The following PPP1R9A variants were observed in gnomAD, a reference collection of about 807,000 sequenced individuals.
PPP1R9A encodes neurabin-1.
PPP1R9A carries 59 observed loss-of-function variants against 141.9 expected under a neutral mutation model. The observed-to-expected ratio is 0.42, with a 90% CI of 0.34 to 0.52. The LOEUF is 0.52. Ranked by LOEUF, PPP1R9A falls within the 20% of genes least tolerant of loss-of-function variation. PPP1R9A has a pLI of 0.10. For synonymous variants in PPP1R9A, 500 were observed against 569.7 expected, an observed-to-expected ratio of 0.88 and a Z score of 1.74; for missense variants, 1,444 against 1,611.9, an observed-to-expected ratio of 0.90 and a Z score of 1.78.
intron 2 of PPP1R9A, among the ~76,000 whole-genome samples, chr7:95,011,577 TCA>T (rs1476732812): frequency 6.6e-6 from 1 of 152,188 alleles, no homozygotes; most frequent in Non-Finnish European, 1.5e-5. Context: ...AATTTATTAA[TCA>T]CACATTTACT....
At chr7:95,188,350 C>A (rs956139618) in intron 5 of PPP1R9A, among the ~76,000 whole-genome samples, 4 of 151,904 alleles carry the variant, frequency 2.6e-5, no homozygotes, top group Admixed American at 6.6e-5. Flanking sequence ...TTTTCCACCC[C>A]TTTACCTTAA....
intron 7 of PPP1R9A, among the ~76,000 whole-genome samples, chr7:95,211,095 A>G (rs534301768): frequency 5.9e-5 from 9 of 151,892 alleles, no homozygotes; most frequent in Non-Finnish European, 1.3e-4. Flanking sequence ...ATGCATACCT[A>G]TGTAACAAAC....
intron 4 of PPP1R9A, among the ~76,000 whole-genome samples, chr7:95,130,166 A>C (rs1029736238): frequency 1.3e-5 from 2 of 152,044 alleles, no homozygotes; most frequent in African/African-American, 2.4e-5. Context: ...TAGAAGGAAA[A>C]GTGGTTTCAT....
intron 2 of PPP1R9A, among the ~76,000 whole-genome samples, chr7:94,961,648 A>G (rs555371112): frequency 5.9e-5 from 9 of 151,910 alleles, no homozygotes; most frequent in Non-Finnish European, 1.3e-4. Flanking sequence ...AACTATTTAT[A>G]TGAATTGTAG....
chr7:95,050,803 T>A (rs1810685611), intron 2 of PPP1R9A, among the ~76,000 whole-genome samples: 1 of 152,146 alleles, frequency 6.6e-6, no homozygotes, highest in East Asian at 1.9e-4. Context: ...ATTTAAGGCA[T>A]TTTAATTTTA....
chr7:95,160,377 T>G (rs1426856047), intron 4 of PPP1R9A, among the ~76,000 whole-genome samples: 1 of 152,166 alleles, frequency 6.6e-6, no homozygotes, highest in Non-Finnish European at 1.5e-5. Flanking sequence ...GTACAGTTAT[T>G]AAGGACAAAA....
chr7:94,961,865 G>A (rs1797680172), intron 2 of PPP1R9A, among the ~76,000 whole-genome samples: 2 of 151,670 alleles, frequency 1.3e-5, no homozygotes, highest in South Asian at 4.1e-4. Flanking sequence ...TATGTCAGAG[G>A]GTGGTCATTT....
intron 2 of PPP1R9A, among the ~76,000 whole-genome samples, chr7:94,962,789 CT>C (rs1797778464): frequency 6.6e-6 from 1 of 152,074 alleles, no homozygotes; most frequent in Non-Finnish European, 1.5e-5. Context: ...GTGTCATTGA[CT>C]TGAGCATGAA....
At chr7:94,952,826 T>C (rs1436377520) in intron 2 of PPP1R9A, among the ~76,000 whole-genome samples, 1 of 152,194 alleles carries the variant, frequency 6.6e-6, no homozygotes, top group Non-Finnish European at 1.5e-5. Flanking sequence ...CTTGTAAATT[T>C]GTTTAAATTC....
rs756446262 is a variant in PPP1R9A, at chr7:95,251,785, A to G, written c.2420A>G (p.Gln807Arg). ...AGAGAGCTTGATTTCATCAAAAGAC[A>G]GGAAGCAGAAAGAAAGAAAATAGAA... is the stretch of plus-strand genomic sequence containing the variant. ...QQKELDFIKRQEAERKKIEDL... is the reference protein window; with the variant it reads ...QQKELDFIKRREAERKKIEDL... The change falls in exon 11 of 20, where the codon CAG (glutamine) becomes CGG (arginine). Residue 807 changes from glutamine (Q) to arginine (R), a missense_variant. This residue lies in a region of PPP1R9A where 488 missense variants were observed against 542.0 expected (regional missense o/e 0.90). Transcript: ENST00000433360. 1 of 1,613,762 alleles carries G rather than the reference A, an allele frequency of 6.2e-7. No individual in the cohort carries two copies. The highest frequency in any genetic ancestry group is 8.5e-7 in the Non-Finnish European group (1 of 1,179,792).
chr7:95,199,296 A>G, intron 6 of PPP1R9A, among the ~76,000 whole-genome samples: 1 of 152,212 alleles, frequency 6.6e-6, no homozygotes, highest in East Asian at 1.9e-4. Flanking sequence ...TCCATCAACA[A>G]TTTAATTGTA....
chr7:95,109,840 G>GC (rs1181196924), intron 2 of PPP1R9A, among the ~76,000 whole-genome samples: 5 of 140,452 alleles, frequency 3.6e-5, no homozygotes, highest in Non-Finnish European at 7.8e-5. Flanking sequence ...CTATCTCAAT[G>GC]AAAAAAAAAA....
chr7:94,929,162 AGAG>A (rs1317453097), intron 2 of PPP1R9A, among the ~76,000 whole-genome samples: 1 of 152,222 alleles, frequency 6.6e-6, no homozygotes, highest in Admixed American at 6.5e-5. Context: ...GCTTCTTCTA[AGAG>A]AGCATCTTTT....
At position 95,293,523 on chromosome 7, in the gene PPP1R9A, C is replaced by CAA. The variant is rs1806647569; in HGVS notation, c.*3222_*3223dup. 6.6e-6 allele frequency: 1 copy of CAA among 152,128 alleles called. No homozygotes were observed. The highest frequency in any genetic ancestry group is 1.9e-4 in the East Asian group (1 of 5,192). The allele number at this position is 152,128 out of a possible 1,614,324, so 9.4% of individuals were successfully genotyped here. A position where few individuals can be genotyped will look rare whatever the true frequency, so the allele number is the denominator to read the frequency against. On this transcript the variant is annotated 3_prime_UTR_variant, in exon 20 of 20. Transcript: ENST00000433360. Reference sequence around the variant, plus strand: ...ATTGCAGTATGATAGGTACTAAAGCCAAACTCAGCTTTCAACTGGCACAAA... The same window carrying CAA: ...ATTGCAGTATGATAGGTACTAAAGCCAAAAACTCAGCTTTCAACTGGCACAAA...
Position 95,048,604 on chromosome 7 carries a change from G to A in PPP1R9A, c.1396-62655G>A, listed in dbSNP as rs538159696. Among the ~76,000 whole-genome samples the A allele has an allele frequency of 4.6e-5, 7 of 151,946 alleles. No homozygotes were observed. In the South Asian group the frequency reaches 1.2e-3, roughly 27 times the overall value. On this transcript the variant is annotated intron_variant, in intron 2 of 19. Coordinates refer to ENST00000433360, the MANE Select transcript of PPP1R9A (RefSeq NM_001166160.2). ...GTTGCCCAGGCTGGAGTGCAGTGGCGCGATCTTGGCTCACTGCAGCCTTCG... is the reference window on the plus strand; with the variant it reads ...GTTGCCCAGGCTGGAGTGCAGTGGCACGATCTTGGCTCACTGCAGCCTTCG...
At chr7:95,154,015 T>C (rs985721905) in intron 4 of PPP1R9A, among the ~76,000 whole-genome samples, 1 of 152,134 alleles carries the variant, frequency 6.6e-6, no homozygotes, top group Non-Finnish European at 1.5e-5. Context: ...TCTGATTTTG[T>C]TTATTTTGAT....
intron 4 of PPP1R9A, among the ~76,000 whole-genome samples, chr7:95,139,375 C>T (rs770503540): frequency 1.3e-5 from 2 of 152,132 alleles, no homozygotes; most frequent in Non-Finnish European, 2.9e-5. Flanking sequence ...TACCTCCTAT[C>T]GGGTCCCTCC....
chr7:95,001,222 G>C (rs1253767640), intron 2 of PPP1R9A, among the ~76,000 whole-genome samples: 5 of 152,116 alleles, frequency 3.3e-5, no homozygotes, highest in African/African-American at 1.2e-4. Flanking sequence ...TTATAAATAA[G>C]GACTTGGCTT....
intron 12 of PPP1R9A, among the ~76,000 whole-genome samples, chr7:95,252,747 C>T (rs1021353228): frequency 4.6e-5 from 7 of 152,142 alleles, no homozygotes; most frequent in Admixed American, 3.9e-4. Flanking sequence ...GGATTACAGG[C>T]ATGAGCCACC....
Sources: allele counts gnomAD v4.1 joint callset (sites outside exome capture counted in the v4.1 genomes callset), GRCh38; gene constraint gnomAD v4.1.1; regional missense constraint gnomAD v4.1.1; transcripts MANE v1.5; gene names NCBI Gene and HGNC (gene_info 2026-07-23, HGNC 2026-07-21).